The following SEC14L5 variants were observed in gnomAD, a reference collection of about 807,000 sequenced individuals.
SEC14L5 encodes the protein SEC14 like lipid binding 5, also known as SEC14-like protein 5.
SEC14L5 carries 96 observed loss-of-function variants against 84.6 expected under a neutral mutation model. That is an observed-to-expected ratio of 1.13 (90% confidence interval 0.96 to 1.34). The LOEUF is 1.34. Ranked by LOEUF, SEC14L5 falls within the 40% of genes most tolerant of loss-of-function variation. The probability of loss-of-function intolerance (pLI) is 0.00; values close to 1 mark genes in which losing one functional copy is unlikely to be tolerated. For missense variants in SEC14L5, 1,224 were observed against 942.5 expected (o/e 1.30, Z -3.91); for synonymous variants, 546 against 383.4 (o/e 1.42, Z -4.95).
intron 11 of SEC14L5, among the ~76,000 whole-genome samples, chr16:5,004,475 G>C (rs558875562): frequency 1.1e-4 from 16 of 152,154 alleles, no homozygotes; most frequent in Non-Finnish European, 1.8e-4. Flanking sequence ...CCTTGCAGAG[G>C]TGTGGGCAGG....
At chr16:4,996,199 G>T (rs968095869) in intron 6 of SEC14L5, 149 bp from the exon 7 acceptor site, 20 of 578,740 alleles carry the variant, frequency 3.5e-5, no homozygotes, top group Non-Finnish European at 4.4e-5. Flanking sequence ...TTCAGAGTCC[G>T]GTGGCTGCTG....
chr16:4,983,233 C>T (rs1406565707), intron 2 of SEC14L5, among the ~76,000 whole-genome samples: 1 of 151,918 alleles, frequency 6.6e-6, no homozygotes, highest in Non-Finnish European at 1.5e-5. Flanking sequence ...AGGCTGGTCT[C>T]AAACTCCTGA....
At position 5,014,894 on chromosome 16, in the gene SEC14L5, G is replaced by C; in HGVS notation, c.2015G>C (p.Gly672Ala). Residue 672 changes from glycine to alanine, a missense_variant, in exon 16 of 16, where the codon GGC becomes GCC. Coordinates refer to ENST00000251170, the MANE Select transcript of SEC14L5 (RefSeq NM_014692.2). Reference protein sequence around the residue: ...SMSSLESCTSGFSQLSAATSS... With the variant: ...SMSSLESCTSAFSQLSAATSS... Reference sequence around the variant, plus strand: ...TCCAGCCTGGAATCCTGCACCAGCGGCTTCTCCCAGCTCAGCGCCGCCACC... The same window carrying C: ...TCCAGCCTGGAATCCTGCACCAGCGCCTTCTCCCAGCTCAGCGCCGCCACC... 1 of 1,613,618 alleles carries C rather than the reference G, an allele frequency of 6.2e-7. No individual in the cohort carries two copies. Among genetic ancestry groups the C allele is most frequent in the Non-Finnish European group, 8.5e-7 (1 of 1,179,884 alleles).
At chr16:4,984,030 A>AT (rs1955459527) in intron 2 of SEC14L5, among the ~76,000 whole-genome samples, 1 of 152,190 alleles carries the variant, frequency 6.6e-6, no homozygotes, top group African/African-American at 2.4e-5. Context: ...TACAATTCAC[A>AT]TATCATACAA....
In SEC14L5 at chr16:4,996,468, C is replaced by T. The variant is rs1955610911; in HGVS notation, c.780+8C>T. Reference sequence around the variant, plus strand: ...GAGACCCACAAAGGCAAGGTGGGTGCAGGGGGTACCCTGGAGCAGTGGATG... The same window carrying T: ...GAGACCCACAAAGGCAAGGTGGGTGTAGGGGGTACCCTGGAGCAGTGGATG... On this transcript the variant is annotated splice_region_variant and intron_variant, in intron 7 of 15. Transcript: ENST00000251170. The T allele has an allele frequency of 1.3e-6, 2 of 1,496,800 alleles. No individual in the cohort carries two copies. The highest frequency in any genetic ancestry group is 4.9e-5 in the East Asian group (2 of 41,044). 92.7% of individuals were successfully genotyped at this position (1,496,800 alleles called of 1,614,324 possible). A position where few individuals can be genotyped will look rare whatever the true frequency, so the allele number is the denominator to read the frequency against.
chr16:4,966,509 AGG>A (rs1955202360), intron 2 of SEC14L5, among the ~76,000 whole-genome samples: 1 of 149,240 alleles, frequency 6.7e-6, no homozygotes, highest in Non-Finnish European at 1.5e-5. Context: ...TCCTGACCTC[AGG>A]TAATCACCCG....
intron 2 of SEC14L5, among the ~76,000 whole-genome samples, chr16:4,970,166 T>C (rs574662736): frequency 6.6e-6 from 1 of 152,050 alleles, no homozygotes; most frequent in Admixed American, 6.6e-5. Flanking sequence ...GCATAGTCTA[T>C]TGGGGGAGGG....
intron 2 of SEC14L5, among the ~76,000 whole-genome samples, chr16:4,967,435 A>G (rs562224354): frequency 4.6e-5 from 7 of 152,192 alleles, no homozygotes; most frequent in Admixed American, 4.6e-4. Flanking sequence ...ACCAGGGCTT[A>G]GGACTTCAAC....
chr16:4,958,938 T>C (rs1012569127), intron 1 of SEC14L5, among the ~76,000 whole-genome samples: 2 of 151,414 alleles, frequency 1.3e-5, no homozygotes, highest in African/African-American at 4.9e-5. Flanking sequence ...CATGCGTGAA[T>C]AGAACCGTGG....
At chr16:4,986,498 T>C (rs917645545) in intron 2 of SEC14L5, among the ~76,000 whole-genome samples, 2 of 152,206 alleles carry the variant, frequency 1.3e-5, no homozygotes, top group Non-Finnish European at 2.9e-5. Context: ...TTGCTCTTTT[T>C]CGATTGCTTT....
intron 2 of SEC14L5, among the ~76,000 whole-genome samples, chr16:4,971,176 G>A (rs918633214): frequency 2.0e-5 from 3 of 152,108 alleles, no homozygotes; most frequent in African/African-American, 7.2e-5. Context: ...GGCAAAACTG[G>A]CCAGGGGCGG....
chr16:4,966,094 C>T (rs1955197041), intron 2 of SEC14L5, among the ~76,000 whole-genome samples: 2 of 151,996 alleles, frequency 1.3e-5, no homozygotes, highest in Non-Finnish European at 2.9e-5. Context: ...TTAACAAACT[C>T]ATACACAGCA....
At chr16:5,000,586 G>C (rs1050923637) in intron 8 of SEC14L5, 69 bp from the exon 9 acceptor site, 1 of 1,233,480 alleles carries the variant, frequency 8.1e-7, no homozygotes, top group Admixed American at 2.0e-5. Flanking sequence ...ACCTGCAGCT[G>C]TGACCTGCCC....
chr16:4,987,201 C>T (rs368416034), intron 2 of SEC14L5, among the ~76,000 whole-genome samples: 13 of 143,678 alleles, frequency 9.0e-5, no homozygotes, highest in Admixed American at 2.8e-4. Flanking sequence ...TTTATTGAAT[C>T]TTTTTTTTTT....
rs1180566143 is a variant in SEC14L5, at chr16:5,016,925, G to A, written c.*1955G>A. The A allele has an allele frequency of 6.6e-6, 1 of 152,208 alleles. No homozygotes were observed. Among genetic ancestry groups the A allele is most frequent in the Non-Finnish European group, 1.5e-5 (1 of 68,044 alleles). The allele number at this position is 152,208 out of a possible 1,614,324, so 9.4% of individuals were successfully genotyped here. On this transcript the variant is annotated 3_prime_UTR_variant, in exon 16 of 16. Coordinates refer to ENST00000251170, the MANE Select transcript of SEC14L5 (RefSeq NM_014692.2). The stretch of plus-strand genomic sequence containing the variant: ...TGTGTGTGCACATGTGTGCATAAGA[G>A]ACCGACTGATTGGAAGGAGACGTTC...
intron 2 of SEC14L5, chr16:4,960,879 G>C (rs987988491): frequency 1.3e-5 from 2 of 152,218 alleles, no homozygotes; most frequent in African/African-American, 4.8e-5. Flanking sequence ...TAATGGGAGT[G>C]GAACACCAGG....
chr16:4,960,508 T>C (rs1955109396), intron 2 of SEC14L5: 1 of 152,212 alleles, frequency 6.6e-6, no homozygotes, highest in Non-Finnish European at 1.5e-5. Flanking sequence ...TCTACATGCG[T>C]ATATGTTTAT....
chr16:4,976,005 C>CAGGA (rs1216850334), intron 2 of SEC14L5, among the ~76,000 whole-genome samples: 1 of 152,072 alleles, frequency 6.6e-6, no homozygotes, highest in Non-Finnish European at 1.5e-5. Flanking sequence ...TGAGGAAGAA[C>CAGGA]AGGAAGGAAG....
chr16:4,973,307 C>G (rs974801803), intron 2 of SEC14L5, among the ~76,000 whole-genome samples: 1 of 152,194 alleles, frequency 6.6e-6, no homozygotes, highest in Non-Finnish European at 1.5e-5. Flanking sequence ...ATGTGTGTCC[C>G]GGGCTGGCTT....
Sources: allele counts gnomAD v4.1 joint callset (sites outside exome capture counted in the v4.1 genomes callset), GRCh38; gene constraint gnomAD v4.1.1; transcripts MANE v1.5; gene names NCBI Gene and HGNC (gene_info 2026-07-23, HGNC 2026-07-21).